The following ZMAT4 variants were observed in gnomAD, a reference collection of about 807,000 sequenced individuals.
ZMAT4 encodes the protein zinc finger matrin-type 4.
Under a neutral mutation model 28.7 loss-of-function variants are expected in ZMAT4, and 17 were observed. The observed-to-expected ratio is 0.59, with a 90% CI of 0.41 to 0.89. The LOEUF is 0.89. Among genes scored for constraint, ZMAT4 ranks in the 40% least tolerant of loss-of-function variants. ZMAT4 has a pLI of 0.00. For missense variants in ZMAT4, 240 were observed against 283.8 expected (o/e 0.85, Z 1.11); for synonymous variants, 117 against 109.2 (o/e 1.07, Z -0.44).
At chr8:40,866,299 T>G (rs1024393789) in intron 1 of ZMAT4, among the ~76,000 whole-genome samples, 1 of 152,216 alleles carries the variant, frequency 6.6e-6, no homozygotes, top group African/African-American at 2.4e-5. Context: ...CTGCACACAA[T>G]GCTGGTGCCC....
At chr8:40,563,560 A>C (rs574459284) in intron 6 of ZMAT4, among the ~76,000 whole-genome samples, 1 of 152,198 alleles carries the variant, frequency 6.6e-6, no homozygotes, top group Non-Finnish European at 1.5e-5. Context: ...GATGCAATTC[A>C]TCTTCTTTGA....
intron 3 of ZMAT4, among the ~76,000 whole-genome samples, chr8:40,706,854 A>G (rs1447535103): frequency 6.6e-6 from 1 of 152,150 alleles, no homozygotes; most frequent in East Asian, 1.9e-4. Context: ...GTGAAGATTC[A>G]GTCCCACTGA....
At chr8:40,547,773 A>C (rs1210199529) in intron 6 of ZMAT4, among the ~76,000 whole-genome samples, 1 of 152,218 alleles carries the variant, frequency 6.6e-6, no homozygotes, top group Non-Finnish European at 1.5e-5. Context: ...TGCCGAAAAT[A>C]CAGCAGAAAA....
chr8:40,650,052 A>C (rs1807559800), intron 5 of ZMAT4, among the ~76,000 whole-genome samples: 1 of 152,152 alleles, frequency 6.6e-6, no homozygotes, highest in Admixed American at 6.6e-5. Flanking sequence ...AAAAGCTAGA[A>C]GAAGGCAAGA....
intron 3 of ZMAT4, among the ~76,000 whole-genome samples, chr8:40,701,498 T>G (rs1273530313): frequency 2.1e-5 from 3 of 144,760 alleles, no homozygotes; most frequent in Non-Finnish European, 4.5e-5. Context: ...GATACACAAC[T>G]ATGCAGAATT....
intron 3 of ZMAT4, among the ~76,000 whole-genome samples, chr8:40,720,523 C>CTTTTTT (rs1307193398): frequency 1.8e-5 from 2 of 113,120 alleles, no homozygotes; most frequent in African/African-American, 3.3e-5. Context: ...TGGGTAGAAT[C>CTTTTTT]TTTTTTTTTT....
intron 1 of ZMAT4, among the ~76,000 whole-genome samples, chr8:40,853,047 G>C (rs1363898296): frequency 6.6e-6 from 1 of 152,048 alleles, no homozygotes; most frequent in Non-Finnish European, 1.5e-5. Context: ...AGTCTGAATA[G>C]CCATGGTTTG....
Position 40,548,765 on chromosome 8 carries a change from C to CA in ZMAT4, c.675-16528dup, listed in dbSNP as rs568377296. Among the ~76,000 whole-genome samples the CA allele has an allele frequency of 3.5e-4, 54 of 152,210 alleles. No homozygotes were observed. In the South Asian group the frequency reaches 0.011, roughly 30 times the overall value. ...ACAATAAAAGAGAGAAAGACAAAGA[C>CA]AGGAATGAGGCTGATAGAATTCTTT... On this transcript the variant is annotated intron_variant, in intron 6 of 6. Transcript: ENST00000297737.
chr8:40,568,879 T>C (rs1185590053), intron 6 of ZMAT4, among the ~76,000 whole-genome samples: 1 of 152,166 alleles, frequency 6.6e-6, no homozygotes, highest in Non-Finnish European at 1.5e-5. Flanking sequence ...CCCTGAATTC[T>C]ACCCATGTTT....
At chr8:40,813,877 T>C (rs1018419457) in intron 2 of ZMAT4, among the ~76,000 whole-genome samples, 7 of 152,230 alleles carry the variant, frequency 4.6e-5, no homozygotes, top group African/African-American at 1.2e-4. Flanking sequence ...TTGGCAGAGA[T>C]AGAAAACAGT....
chr8:40,706,768 T>C (rs1333562696), intron 3 of ZMAT4, among the ~76,000 whole-genome samples: 1 of 152,010 alleles, frequency 6.6e-6, no homozygotes, highest in Non-Finnish European at 1.5e-5. Context: ...GCCAAGAAAA[T>C]GGCTCAGAAT....
At chr8:40,847,889 C>T (rs946806668) in intron 1 of ZMAT4, among the ~76,000 whole-genome samples, 6 of 152,160 alleles carry the variant, frequency 3.9e-5, no homozygotes, top group African/African-American at 1.4e-4. Context: ...CCTTTCTTTG[C>T]CTCCAGAGAG....
intron 2 of ZMAT4, among the ~76,000 whole-genome samples, chr8:40,786,160 T>G (rs1186349585): frequency 6.6e-6 from 1 of 152,192 alleles, no homozygotes; most frequent in Non-Finnish European, 1.5e-5. Flanking sequence ...CAGCCCTTTC[T>G]TCTGGACTTC....
In ZMAT4 at chr8:40,697,306, G is replaced by T. The variant is rs755471563; in HGVS notation, c.288C>A (p.Gly96=). ...SAVVADSHYQ[G]KIHAKRLKLL... Reference sequence around the variant, plus strand: ...GTTTTAACCTCTTGGCGTGGATTTTGCCTTGATAATGGGAATCGGCCACCA... The same window carrying T: ...GTTTTAACCTCTTGGCGTGGATTTTTCCTTGATAATGGGAATCGGCCACCA... Residue 96 remains glycine (G), a synonymous_variant, in exon 4 of 7, where the codon GGC becomes GGA. Coordinates refer to ENST00000297737, the MANE Select transcript of ZMAT4 (RefSeq NM_024645.3). 5 of 1,613,898 alleles carry T rather than the reference G, an allele frequency of 3.1e-6. No homozygotes were observed. The highest frequency in any genetic ancestry group is 4.2e-6 in the Non-Finnish European group (5 of 1,179,860).
chr8:40,862,583 T>TAAAAAAAAAAAAAAAAAAAAAAA (rs1404319425), intron 1 of ZMAT4, among the ~76,000 whole-genome samples: 1 of 53,330 alleles, frequency 1.9e-5, no homozygotes, highest in Non-Finnish European at 4.0e-5. Flanking sequence ...AAAAAAAAAA[T>TAAAAAAAAAAAAAAAAAAAAAAA]TAAAAAAAAA....
At chr8:40,558,758 C>A (rs867452662) in intron 6 of ZMAT4, among the ~76,000 whole-genome samples, 1 of 152,030 alleles carries the variant, frequency 6.6e-6, no homozygotes, top group East Asian at 1.9e-4. Context: ...ACTGACTGAA[C>A]GGGCTCCCGC....
At chr8:40,836,207 T>C (rs1383355124) in intron 1 of ZMAT4, among the ~76,000 whole-genome samples, 1 of 152,142 alleles carries the variant, frequency 6.6e-6, no homozygotes, top group East Asian at 1.9e-4. Flanking sequence ...AAATTAACCA[T>C]AGAAAGGTTA....
intron 5 of ZMAT4, among the ~76,000 whole-genome samples, chr8:40,604,375 T>C (rs1477799455): frequency 6.6e-6 from 1 of 152,222 alleles, no homozygotes; most frequent in African/African-American, 2.4e-5. Flanking sequence ...ACAACTTTTA[T>C]TACCTTAAGG....
chr8:40,896,324 C>A (rs1386183327), intron 1 of ZMAT4, among the ~76,000 whole-genome samples: 1 of 152,188 alleles, frequency 6.6e-6, no homozygotes, highest in Non-Finnish European at 1.5e-5. Context: ...CTTGTCAGGA[C>A]TGGGAATCGA....
Sources: allele counts gnomAD v4.1 joint callset (sites outside exome capture counted in the v4.1 genomes callset), GRCh38; gene constraint gnomAD v4.1.1; transcripts MANE v1.5; gene names NCBI Gene and HGNC (gene_info 2026-07-23, HGNC 2026-07-21).